The following ITGA8 variants were observed in gnomAD, a reference collection of about 807,000 sequenced individuals.
ITGA8 encodes the protein integrin subunit alpha 8.
In ITGA8, 91 loss-of-function variants were observed where a neutral mutation model predicts 142.3. That is an observed-to-expected ratio of 0.64 (90% CI 0.54 to 0.76). The LOEUF (loss-of-function observed/expected upper bound fraction) is 0.76. Among genes scored for constraint, ITGA8 ranks in the 30% least tolerant of loss-of-function variants. The pLI, the probability that ITGA8 is intolerant of heterozygous loss-of-function variation, is 0.00. For synonymous variants in ITGA8, 505 were observed against 485.2 expected (o/e 1.04, Z -0.54); for missense variants, 1,406 against 1,327.7 (o/e 1.06, Z -0.92).
intron 27 of ITGA8, among the ~76,000 whole-genome samples, chr10:15,541,166 TA>T (rs1454379639): frequency 6.6e-6 from 1 of 152,218 alleles, no homozygotes; most frequent in African/African-American, 2.4e-5. Flanking sequence ...TCCAGTTCAA[TA>T]AAAGGCTGTT....
At chr10:15,625,098 T>C (rs1471092996) in intron 13 of ITGA8, among the ~76,000 whole-genome samples, 1 of 151,888 alleles carries the variant, frequency 6.6e-6, no homozygotes. Context: ...AAAAAAAGCA[T>C]GATTTTATCC....
At chr10:15,544,385 T>A (rs2131554194) in intron 27 of ITGA8, among the ~76,000 whole-genome samples, 1 of 152,276 alleles carries the variant, frequency 6.6e-6, no homozygotes, top group Admixed American at 6.5e-5. Context: ...AGGGGGTAGT[T>A]TATTCCTCAG....
At chr10:15,655,499 G>A in intron 10 of ITGA8, 93 bp from the exon 11 acceptor site, 1 of 895,622 alleles carries the variant, frequency 1.1e-6, no homozygotes, top group Non-Finnish European at 1.8e-6. Context: ...ATCTCATTGT[G>A]GTACATTTTT....
chr10:15,518,506 G>T (rs1833003385), intron 29 of ITGA8, among the ~76,000 whole-genome samples: 1 of 152,204 alleles, frequency 6.6e-6, no homozygotes, highest in African/African-American at 2.4e-5. Context: ...AGGTCTATTA[G>T]TCATGCTGCA....
At chr10:15,638,758 G>T (rs1833816421) in intron 13 of ITGA8, among the ~76,000 whole-genome samples, 1 of 152,130 alleles carries the variant, frequency 6.6e-6, no homozygotes, top group Non-Finnish European at 1.5e-5. Context: ...GACAAATTTT[G>T]GAATTTTGTT....
At chr10:15,539,925 G>C (rs1180535172) in intron 27 of ITGA8, among the ~76,000 whole-genome samples, 4 of 152,102 alleles carry the variant, frequency 2.6e-5, no homozygotes, top group African/African-American at 9.7e-5. Context: ...TACTGTTCTT[G>C]TTGTAAGTCT....
chr10:15,707,528 A>G (rs559365899), intron 2 of ITGA8, among the ~76,000 whole-genome samples: 56 of 152,286 alleles, frequency 3.7e-4, no homozygotes, highest in African/African-American at 1.3e-3. Context: ...TGCCAGAACT[A>G]TAAGATAATC....
intron 26 of ITGA8, among the ~76,000 whole-genome samples, chr10:15,553,996 AG>A (rs776073220): frequency 3.8e-4 from 58 of 151,268 alleles, no homozygotes; most frequent in Admixed American, 1.1e-3. Context: ...TCTTGTCTCA[AG>A]AAAAAAAAAA....
At chr10:15,678,577 G>C in intron 5 of ITGA8, 145 bp downstream of exon 5, 3 of 515,256 alleles carry the variant, frequency 5.8e-6, no homozygotes, top group Non-Finnish European at 1.1e-5. Context: ...TTTTTAGAAA[G>C]CATTTGCCCA....
intron 4 of ITGA8, among the ~76,000 whole-genome samples, chr10:15,680,542 T>G (rs1167550500): frequency 6.6e-6 from 1 of 152,130 alleles, no homozygotes; most frequent in Non-Finnish European, 1.5e-5. Context: ...AATATTTATA[T>G]GCATCCAGAA....
At chr10:15,688,858 G>A (rs1304334384) in intron 2 of ITGA8, among the ~76,000 whole-genome samples, 1 of 152,166 alleles carries the variant, frequency 6.6e-6, no homozygotes, top group Non-Finnish European at 1.5e-5. Context: ...TACACACAGT[G>A]AAAGCCATAC....
intron 27 of ITGA8, among the ~76,000 whole-genome samples, chr10:15,533,970 G>C (rs577075073): frequency 1.3e-5 from 2 of 149,902 alleles, no homozygotes; most frequent in South Asian, 4.3e-4. Context: ...GCAATGGTGT[G>C]ATCTCGGCTC....
At position 15,521,686 on chromosome 10, in the gene ITGA8, T is replaced by C. The variant is rs377501803; in HGVS notation, c.2983-2274A>G. Among the ~76,000 whole-genome samples, 16 of 152,194 alleles carry C rather than the reference T, an allele frequency of 1.1e-4. 1 individual carries two copies. The highest frequency in any genetic ancestry group is 3.6e-4 in the African/African-American group (15 of 41,448). On this transcript the variant is annotated intron_variant, in intron 28 of 29. Coordinates refer to ENST00000378076, the MANE Select transcript of ITGA8 (RefSeq NM_003638.3). ...ATCTTTATTTCATCTGACACATCAG[T>C]GTGAAGCATGACAGTCCATCACCAC...
intron 6 of ITGA8, among the ~76,000 whole-genome samples, chr10:15,673,380 G>C (rs1002586463): frequency 3.3e-5 from 5 of 152,106 alleles, no homozygotes; most frequent in African/African-American, 1.2e-4. Flanking sequence ...ACAGCGCCCG[G>C]CCATGATGTA....
At chr10:15,629,465 A>G (rs1833645749) in intron 13 of ITGA8, among the ~76,000 whole-genome samples, 3 of 151,894 alleles carry the variant, frequency 2.0e-5, no homozygotes, top group Non-Finnish European at 4.4e-5. Context: ...GGCTCCCTGC[A>G]TTTTTCCTCT....
At chr10:15,583,495 C>T (rs1275905719) in intron 23 of ITGA8, among the ~76,000 whole-genome samples, 1 of 151,912 alleles carries the variant, frequency 6.6e-6, no homozygotes, top group Non-Finnish European at 1.5e-5. Flanking sequence ...CACAGGTACC[C>T]CAGAACTTAA....
intron 16 of ITGA8, 149 bp downstream of exon 16, chr10:15,608,086 G>C (rs1484808673): frequency 6.0e-6 from 4 of 666,762 alleles, no homozygotes; most frequent in Non-Finnish European, 1.0e-5. Flanking sequence ...AAGTATTGAA[G>C]TAATATTTAT....
At chr10:15,697,304 G>A (rs374994871) in intron 2 of ITGA8, among the ~76,000 whole-genome samples, 96 of 152,190 alleles carry the variant, frequency 6.3e-4, no homozygotes, top group African/African-American at 2.1e-3. Flanking sequence ...TTTAATACAT[G>A]AAACACAGGT....
intron 28 of ITGA8, among the ~76,000 whole-genome samples, chr10:15,525,832 T>C (rs1588624362): frequency 6.6e-6 from 1 of 152,160 alleles, no homozygotes; most frequent in Non-Finnish European, 1.5e-5. Flanking sequence ...ATTATCATTT[T>C]AATATGTAAT....
Sources: gnomAD v4.1 joint callset for allele counts (sites outside exome capture counted in the v4.1 genomes callset) on GRCh38, gnomAD v4.1.1 for gene constraint, MANE v1.5 for transcripts, NCBI Gene and HGNC (gene_info 2026-07-23, HGNC 2026-07-21) for gene names.